Variants in LMBRD1 observed in about 807,000 individuals in gnomAD.
The protein encoded by LMBRD1 is LMBR1 domain containing 1, also known as lysosomal cobalamin transport escort protein LMBD1.
In LMBRD1, 64 loss-of-function variants were observed where a neutral mutation model predicts 74.8. That is an observed-to-expected ratio of 0.86 (90% CI 0.70 to 1.05). The LOEUF (loss-of-function observed/expected upper bound fraction) is 1.05, where lower values mean the gene tolerates loss of function less well. LMBRD1 is among the 50% of genes least tolerant of loss of function. The probability of loss-of-function intolerance (pLI) is 0.00; values close to 1 mark genes in which losing one functional copy is unlikely to be tolerated. For missense variants in LMBRD1, 652 were observed against 645.9 expected, an observed-to-expected ratio of 1.01 and a Z score of -0.10; for synonymous variants, 204 against 216.3, an observed-to-expected ratio of 0.94 and a Z score of 0.50.
chr6:69,676,371 A>AG lies in LMBRD1; in HGVS notation c.1509+78dup, dbSNP rs1765545195. Reference sequence around the variant, plus strand: ...GACAGTACTATGATACAAATGGCCTAGTAAGATAAAAAGAGTTTACACATT... The same window carrying AG: ...GACAGTACTATGATACAAATGGCCTAGGTAAGATAAAAAGAGTTTACACATT... On this transcript the variant is annotated intron_variant, in intron 15 of 15. Coordinates refer to ENST00000649934, the MANE Select transcript of LMBRD1 (RefSeq NM_018368.4). 1.9e-6 allele frequency: 3 copies of AG among 1,573,936 alleles called. No homozygotes were observed. The African/African-American group carries it at 4.1e-5, about 21-fold the overall frequency.
chr6:69,774,366 A>C (rs1439209640), intron 3 of LMBRD1, among the ~76,000 whole-genome samples: 1 of 152,202 alleles, frequency 6.6e-6, no homozygotes, highest in Non-Finnish European at 1.5e-5. Context: ...TGTCTTTATC[A>C]GCAGTGGGAG....
intron 2 of LMBRD1, among the ~76,000 whole-genome samples, chr6:69,789,307 G>A (rs920968836): frequency 6.6e-6 from 1 of 152,038 alleles, no homozygotes; most frequent in Non-Finnish European, 1.5e-5. Flanking sequence ...TGGATCACTC[G>A]AGGCCAGAAG....
chr6:69,710,577 T>C (rs942782087), intron 9 of LMBRD1, among the ~76,000 whole-genome samples: 2 of 152,086 alleles, frequency 1.3e-5, no homozygotes, highest in African/African-American at 4.8e-5. Flanking sequence ...GACGATACAA[T>C]ACATATATGT....
chr6:69,722,977 T>C (rs1411547081), intron 7 of LMBRD1, among the ~76,000 whole-genome samples: 1 of 152,028 alleles, frequency 6.6e-6, no homozygotes, highest in African/African-American at 2.4e-5. Flanking sequence ...CAGACTGGAA[T>C]GGAAAAAGAT....
At chr6:69,709,975 T>C (rs1269416560) in intron 9 of LMBRD1, among the ~76,000 whole-genome samples, 2 of 152,186 alleles carry the variant, frequency 1.3e-5, no homozygotes, top group Non-Finnish European at 2.9e-5. Context: ...GTAATCCCAA[T>C]AGATATCCTA....
At chr6:69,693,739 T>C (rs1488531861) in intron 14 of LMBRD1, among the ~76,000 whole-genome samples, 1 of 151,550 alleles carries the variant, frequency 6.6e-6, no homozygotes, top group East Asian at 1.9e-4. Flanking sequence ...ATCCTAAGGG[T>C]AGGGATGGGG....
At chr6:69,682,760 C>G (rs1487028571) in intron 14 of LMBRD1, among the ~76,000 whole-genome samples, 1 of 151,906 alleles carries the variant, frequency 6.6e-6, no homozygotes, top group Non-Finnish European at 1.5e-5. Context: ...AGACAGAAAA[C>G]TGAGATTTAG....
chr6:69,751,269 G>C (rs550307110), intron 4 of LMBRD1, among the ~76,000 whole-genome samples: 1 of 151,486 alleles, frequency 6.6e-6, no homozygotes, highest in Non-Finnish European at 1.5e-5. Flanking sequence ...AAGTGATAAT[G>C]GTCGGCAGTT....
At chr6:69,778,514 T>C (rs962473232) in intron 3 of LMBRD1, among the ~76,000 whole-genome samples, 1 of 152,230 alleles carries the variant, frequency 6.6e-6, no homozygotes, top group Admixed American at 6.5e-5. Context: ...ATTAGTCCAA[T>C]GGCCTCTAGG....
chr6:69,699,517 A>AT (rs200939824), intron 12 of LMBRD1, among the ~76,000 whole-genome samples: 2,299 of 151,832 alleles, frequency 0.015, 64 homozygotes, highest in African/African-American at 0.052. Flanking sequence ...GTTTTATATA[A>AT]TTTTTTATAA....
chr6:69,685,871 T>C (rs1765753665), intron 14 of LMBRD1, among the ~76,000 whole-genome samples: 1 of 152,166 alleles, frequency 6.6e-6, no homozygotes, highest in African/African-American at 2.4e-5. Flanking sequence ...CCAAGTGATT[T>C]TGATGCATGC....
chr6:69,785,593 T>A (rs1260877928), intron 2 of LMBRD1, among the ~76,000 whole-genome samples: 1 of 152,204 alleles, frequency 6.6e-6, no homozygotes, highest in African/African-American at 2.4e-5. Context: ...ATTTTCTTTT[T>A]CTTTCACCTG....
intron 14 of LMBRD1, among the ~76,000 whole-genome samples, chr6:69,695,774 C>G (rs1297108187): frequency 6.6e-6 from 1 of 152,016 alleles, no homozygotes; most frequent in Non-Finnish European, 1.5e-5. Flanking sequence ...GAGACCTCCA[C>G]CTGAACATTT....
At chr6:69,728,208 A>T (rs907604116) in intron 7 of LMBRD1, among the ~76,000 whole-genome samples, 7 of 152,210 alleles carry the variant, frequency 4.6e-5, no homozygotes, top group Non-Finnish European at 1.0e-4. Context: ...ATTTTTAAAC[A>T]CCCAGATCTC....
At chr6:69,743,949 C>A (rs942709795) in intron 5 of LMBRD1, among the ~76,000 whole-genome samples, 1 of 152,152 alleles carries the variant, frequency 6.6e-6, no homozygotes, top group Admixed American at 6.5e-5. Context: ...GACCAAATAT[C>A]AGCCCCATAG....
intron 8 of LMBRD1, among the ~76,000 whole-genome samples, chr6:69,715,086 C>T (rs73745758): frequency 0.021 from 3,116 of 151,926 alleles, 113 homozygotes; most frequent in African/African-American, 0.071. Context: ...TCCCAGAAAA[C>T]GAAAACTAAG....
chr6:69,753,319 A>T (rs763995613), intron 3 of LMBRD1, among the ~76,000 whole-genome samples: 15 of 152,330 alleles, frequency 9.8e-5, no homozygotes, highest in Non-Finnish European at 1.2e-4. Context: ...TAATAGTACC[A>T]GTATAATTAT....
intron 14 of LMBRD1, among the ~76,000 whole-genome samples, chr6:69,682,075 G>C (rs144026932): frequency 6.6e-6 from 1 of 151,882 alleles, no homozygotes; most frequent in African/African-American, 2.4e-5. Flanking sequence ...TCGTCAGATG[G>C]AATACATACA....
At chr6:69,754,417 T>A (rs1486104200) in intron 3 of LMBRD1, among the ~76,000 whole-genome samples, 3 of 152,208 alleles carry the variant, frequency 2.0e-5, no homozygotes, top group Non-Finnish European at 4.4e-5. Context: ...TGGAGGACAC[T>A]TATGAAACAG....
Sources: gnomAD v4.1 joint callset for allele counts (sites outside exome capture counted in the v4.1 genomes callset) on GRCh38, gnomAD v4.1.1 for gene constraint, MANE v1.5 for transcripts, NCBI Gene and HGNC (gene_info 2026-07-23, HGNC 2026-07-21) for gene names.